RIMKLB: variants seen among roughly 807,000 people sequenced by gnomAD.
RIMKLB encodes ribosomal modification protein rimK like family member B, also known as beta-citrylglutamate synthase B.
RIMKLB carries 7 observed loss-of-function variants against 32.0 expected under a neutral mutation model. The observed-to-expected ratio is 0.22, with a 90% CI of 0.12 to 0.41. RIMKLB has a LOEUF of 0.41. RIMKLB is among the 10% of genes least tolerant of loss of function. The pLI, the probability that RIMKLB is intolerant of heterozygous loss-of-function variation, is 1.00. For missense variants in RIMKLB, 289 were observed against 498.7 expected, an observed-to-expected ratio of 0.58 and a Z score of 4.00; for synonymous variants, 172 against 185.1, an observed-to-expected ratio of 0.93 and a Z score of 0.57.
In RIMKLB at chr12:8,775,435, G is replaced by A; in HGVS notation, c.*1651G>A. 1 of 985,558 alleles carries A rather than the reference G, an allele frequency of 1.0e-6. No homozygotes were observed. Among genetic ancestry groups the A allele is most frequent in the Non-Finnish European group, 1.2e-6 (1 of 829,896 alleles). 61.1% of individuals were successfully genotyped at this position (985,558 alleles called of 1,614,324 possible). On this transcript the variant is annotated 3_prime_UTR_variant, in exon 6 of 6. Transcript: ENST00000535829. ...TGGTATGTTAAGAAATGGAGATGCT[G>A]CAGAGCCCAACGTAATTTTTTAAAC... is the stretch of plus-strand genomic sequence containing the variant.
intron 2 of RIMKLB, among the ~76,000 whole-genome samples, chr12:8,723,598 A>C (rs965939370): frequency 2.6e-5 from 4 of 152,160 alleles, no homozygotes; most frequent in African/African-American, 9.6e-5. Flanking sequence ...AAAGCACAAT[A>C]AAATGAGGCA....
At chr12:8,730,771 GCT>G (rs1202901652) in intron 2 of RIMKLB, among the ~76,000 whole-genome samples, 1 of 152,140 alleles carries the variant, frequency 6.6e-6, no homozygotes, top group Non-Finnish European at 1.5e-5. Context: ...ACGGAGTCTT[GCT>G]CTGTCGTCCA....
the RIMKLB span, among the ~76,000 whole-genome samples, chr12:8,675,700 T>C: frequency 6.6e-6 from 1 of 152,182 alleles, no homozygotes; most frequent in African/African-American, 2.4e-5. Flanking sequence ...GATTACAACT[T>C]TTTTTAGACA....
downstream of RIMKLB, chr12:8,777,767 G>A (rs1346206118): frequency 9.3e-6 from 10 of 1,074,648 alleles, no homozygotes; most frequent in East Asian, 7.6e-5. Context: ...TAAATGCACC[G>A]GTTTGGATTC....
intron 2 of RIMKLB, among the ~76,000 whole-genome samples, chr12:8,723,383 A>G (rs932650116): frequency 1.3e-5 from 2 of 152,198 alleles, no homozygotes; most frequent in Non-Finnish European, 2.9e-5. Flanking sequence ...AGTGTCGCCC[A>G]TTTATAATAG....
intron 2 of RIMKLB, among the ~76,000 whole-genome samples, chr12:8,714,391 T>A (rs1944631791): frequency 2.6e-5 from 4 of 152,252 alleles, no homozygotes; most frequent in African/African-American, 9.6e-5. Context: ...AAAATAAAAG[T>A]AAAGATGATT....
downstream of RIMKLB, among the ~76,000 whole-genome samples, chr12:8,778,091 G>A (rs897647404): frequency 2.6e-5 from 4 of 151,914 alleles, no homozygotes; most frequent in East Asian, 1.9e-4. Context: ...GAATTTTTTG[G>A]CTTTGTTTTT....
intron 2 of RIMKLB, among the ~76,000 whole-genome samples, chr12:8,745,997 A>G (rs1253552576): frequency 1.3e-5 from 2 of 151,854 alleles, no homozygotes; most frequent in Non-Finnish European, 2.9e-5. Context: ...GCCTGACCCC[A>G]TAAATTAATA....
intron 2 of RIMKLB, among the ~76,000 whole-genome samples, chr12:8,715,046 G>A (rs992466771): frequency 6.6e-6 from 1 of 152,028 alleles, no homozygotes; most frequent in Non-Finnish European, 1.5e-5. Flanking sequence ...CCAGAATCTT[G>A]TCTAAATTAA....
At chr12:8,747,409 A>G (rs1475589151) in intron 2 of RIMKLB, among the ~76,000 whole-genome samples, 4 of 150,448 alleles carry the variant, frequency 2.7e-5, no homozygotes, top group Admixed American at 1.3e-4. Flanking sequence ...AAACACACAC[A>G]CCCCCGGCTC....
At chr12:8,743,038 G>A (rs772904867) in intron 2 of RIMKLB, 3 of 153,740 alleles carry the variant, frequency 2.0e-5, no homozygotes, top group South Asian at 4.1e-4. Context: ...CTCTACTTCT[G>A]CAGAGATTCT....
At chr12:8,779,749 CAT>C, downstream of RIMKLB, 1 of 152,218 alleles carries the variant, frequency 6.6e-6, no homozygotes, top group Admixed American at 6.5e-5. Context: ...AAATTTGAAA[CAT>C]AGACCTAGAT....
intron 2 of RIMKLB, among the ~76,000 whole-genome samples, chr12:8,735,545 T>A (rs77403933): frequency 6.6e-6 from 1 of 152,032 alleles, no homozygotes; most frequent in African/African-American, 2.4e-5. Context: ...TTTTTTTTTT[T>A]AATGTAAATA....
At chr12:8,762,352 G>A (rs1043388942) in intron 5 of RIMKLB, among the ~76,000 whole-genome samples, 1 of 152,160 alleles carries the variant, frequency 6.6e-6, no homozygotes, top group Non-Finnish European at 1.5e-5. Context: ...CTTCTTCTGA[G>A]TACTGGGGCT....
chr12:8,752,353 G>A (rs1351299253), intron 4 of RIMKLB, among the ~76,000 whole-genome samples: 1 of 152,174 alleles, frequency 6.6e-6, no homozygotes, highest in Non-Finnish European at 1.5e-5. Context: ...AGGAGTTCAA[G>A]ACCAGCTGGC....
chr12:8,716,914 A>G (rs1944910387), intron 2 of RIMKLB, among the ~76,000 whole-genome samples: 1 of 150,442 alleles, frequency 6.6e-6, no homozygotes, highest in African/African-American at 2.4e-5. Context: ...TCTTCATTAA[A>G]CACAACTTTT....
intron 1 of RIMKLB, among the ~76,000 whole-genome samples, chr12:8,686,039 C>A (rs1021950821): frequency 6.6e-6 from 1 of 152,156 alleles, no homozygotes; most frequent in Admixed American, 6.5e-5. Context: ...AGCTCTTGAC[C>A]TTGTGATCCG....
At chr12:8,704,592 T>G (rs752356494) in intron 1 of RIMKLB, among the ~76,000 whole-genome samples, 1 of 152,216 alleles carries the variant, frequency 6.6e-6, no homozygotes, top group Non-Finnish European at 1.5e-5. Flanking sequence ...TAAACCTTAA[T>G]TATATGCTAT....
At chr12:8,725,620 G>A (rs902760619) in intron 2 of RIMKLB, among the ~76,000 whole-genome samples, 9 of 152,226 alleles carry the variant, frequency 5.9e-5, no homozygotes, top group African/African-American at 2.2e-4. Flanking sequence ...GAGGCTGCAA[G>A]GGGGCAGGTA....
Sources: gnomAD v4.1 joint callset for allele counts (sites outside exome capture counted in the v4.1 genomes callset) on GRCh38, gnomAD v4.1.1 for gene constraint, MANE v1.5 for transcripts, NCBI Gene and HGNC (gene_info 2026-07-23, HGNC 2026-07-21) for gene names.